Variants in PTPRD observed in about 807,000 individuals in gnomAD.
The protein encoded by PTPRD is receptor-type tyrosine-protein phosphatase delta.
A neutral mutation model predicts 214.5 loss-of-function variants in PTPRD; 34 were observed. The ratio of observed to expected loss-of-function variants is 0.16; its 90% confidence interval spans 0.12 to 0.21. The LOEUF (loss-of-function observed/expected upper bound fraction) is 0.21. Among genes scored for constraint, PTPRD ranks in the 10% least tolerant of loss-of-function variants. The pLI, the probability that PTPRD is intolerant of heterozygous loss-of-function variation, is 1.00. For missense variants in PTPRD, 2,545 were observed against 2,398.7 expected, an observed-to-expected ratio of 1.06 and a Z score of -1.27; for synonymous variants, 1,128 against 845.7, an observed-to-expected ratio of 1.33 and a Z score of -5.79.
intron 12 of PTPRD, among the ~76,000 whole-genome samples, chr9:8,685,538 C>A (rs989046763): frequency 1.1e-4 from 16 of 152,132 alleles, no homozygotes; most frequent in Admixed American, 6.5e-4. Flanking sequence ...ACATCAGGAA[C>A]AGTTGGAAAC....
At chr9:10,599,738 C>G (rs1380060875) in intron 2 of PTPRD, among the ~76,000 whole-genome samples, 2 of 151,730 alleles carry the variant, frequency 1.3e-5, no homozygotes, top group African/African-American at 4.8e-5. Context: ...TGAAATGATT[C>G]AAGATTGCTC....
intron 8 of PTPRD, among the ~76,000 whole-genome samples, chr9:9,507,489 A>G (rs1173636896): frequency 6.6e-6 from 1 of 151,322 alleles, no homozygotes; most frequent in Admixed American, 6.6e-5. Context: ...CCTGGAAAAG[A>G]AGACAAGATA....
At chr9:9,768,944 C>T (rs558633570) in intron 5 of PTPRD, among the ~76,000 whole-genome samples, 1 of 152,072 alleles carries the variant, frequency 6.6e-6, no homozygotes, top group Non-Finnish European at 1.5e-5. Flanking sequence ...GCATTATAAT[C>T]GGATTAAGGT....
chr9:10,086,024 A>G (rs771056069), intron 3 of PTPRD, among the ~76,000 whole-genome samples: 13 of 151,798 alleles, frequency 8.6e-5, no homozygotes, highest in African/African-American at 7.2e-5. Flanking sequence ...TATATGACCA[A>G]TTCAATTCAA....
At chr9:8,318,081 C>CAATG in intron 45 of PTPRD, 139 bp from the exon 46 acceptor site, 1 of 663,578 alleles carries the variant, frequency 1.5e-6, no homozygotes, top group Non-Finnish European at 2.5e-6. Flanking sequence ...TGGTCTAATC[C>CAATG]AATGACCAAT....
intron 2 of PTPRD, among the ~76,000 whole-genome samples, chr9:10,466,240 G>A (rs1476007996): frequency 1.3e-5 from 2 of 152,144 alleles, no homozygotes; most frequent in Non-Finnish European, 2.9e-5. Context: ...TATCTAGCCT[G>A]AAATTATACT....
chr9:10,200,547 G>T (rs921010739), intron 3 of PTPRD, among the ~76,000 whole-genome samples: 2 of 152,090 alleles, frequency 1.3e-5, no homozygotes, highest in Non-Finnish European at 2.9e-5. Flanking sequence ...AGAAAGAGAA[G>T]ACCATATGAC....
intron 2 of PTPRD, among the ~76,000 whole-genome samples, chr9:10,530,950 G>A (rs1396855320): frequency 6.6e-6 from 1 of 151,714 alleles, no homozygotes; most frequent in East Asian, 1.9e-4. Flanking sequence ...AAAATCAGTA[G>A]ACAATTTTTT....
At chr9:9,154,551 T>A (rs372203104) in intron 10 of PTPRD, among the ~76,000 whole-genome samples, 22 of 152,266 alleles carry the variant, frequency 1.4e-4, no homozygotes, top group African/African-American at 5.3e-4. Context: ...ACGACCTCAT[T>A]TAATCCAAAT....
At chr9:9,992,158 T>G (rs1005954540) in intron 4 of PTPRD, among the ~76,000 whole-genome samples, 8 of 152,140 alleles carry the variant, frequency 5.3e-5, no homozygotes, top group Non-Finnish European at 8.8e-5. Context: ...TATTCTGGAA[T>G]GAGATAGTGA....
intron 2 of PTPRD, among the ~76,000 whole-genome samples, chr9:10,396,398 G>T (rs1238532044): frequency 4.6e-5 from 7 of 151,902 alleles, no homozygotes; most frequent in African/African-American, 1.7e-4. Context: ...GGATCTATTG[G>T]CCTATTGGAC....
intron 14 of PTPRD, among the ~76,000 whole-genome samples, chr9:8,552,566 A>G (rs1432733653): frequency 2.0e-5 from 3 of 152,164 alleles, no homozygotes; most frequent in Non-Finnish European, 4.4e-5. Context: ...GAGAAGATTC[A>G]TGATGAACGG....
intron 3 of PTPRD, among the ~76,000 whole-genome samples, chr9:10,062,325 C>A (rs978324259): frequency 5.3e-5 from 8 of 152,124 alleles, no homozygotes; most frequent in African/African-American, 1.7e-4. Context: ...TGGTTTTCAG[C>A]CAGGTGCAGT....
At chr9:9,702,042 CA>C (rs1315602551) in intron 7 of PTPRD, among the ~76,000 whole-genome samples, 1 of 152,024 alleles carries the variant, frequency 6.6e-6, no homozygotes, top group African/African-American at 2.4e-5. Flanking sequence ...ATTGCTTGAA[CA>C]TGGGAGGCAG....
At chr9:9,375,194 C>T (rs13297767) in intron 9 of PTPRD, among the ~76,000 whole-genome samples, 13,135 of 152,180 alleles carry the variant, frequency 0.086, 849 homozygotes, top group Non-Finnish European at 0.14. Context: ...GTCTGTTATA[C>T]CAATGTTCAC....
chr9:8,940,280 C>CCTTTGTTTTTTTT lies in PTPRD; in HGVS notation c.-104+78416_-104+78417insAAAAAAAACAAAG, dbSNP rs763715400. 5.4e-4 allele frequency among the ~76,000 whole-genome samples: 48 copies of CCTTTGTTTTTTTT among 89,000 alleles called. 1 individual carries two copies. The highest frequency in any genetic ancestry group is 1.1e-3 in the East Asian group (3 of 2,828). The allele number at this position is 89,000 out of a possible 152,430, so 58.4% of individuals were successfully genotyped here. ...TCACACATCTCTCTCTCTCTCTCTC[C>CCTTTGTTTTTTTT]TTTTTTTTTTTTTTTTTTTTGAGAT... is the stretch of plus-strand genomic sequence containing the variant. On this transcript the variant is annotated intron_variant, in intron 11 of 45. Coordinates refer to ENST00000381196, the MANE Select transcript of PTPRD (RefSeq NM_002839.4).
At chr9:9,967,823 A>C (rs995959521) in intron 4 of PTPRD, among the ~76,000 whole-genome samples, 2 of 152,312 alleles carry the variant, frequency 1.3e-5, no homozygotes, top group Middle Eastern at 3.4e-3. Flanking sequence ...TTAACTCAAA[A>C]TCCTTTTAAG....
chr9:10,486,974 T>C (rs2099136909), intron 2 of PTPRD, among the ~76,000 whole-genome samples: 1 of 152,216 alleles, frequency 6.6e-6, no homozygotes, highest in African/African-American at 2.4e-5. Context: ...GCTTTATATA[T>C]CTGGGTGCTC....
chr9:9,987,321 A>C (rs1340117031), intron 4 of PTPRD, among the ~76,000 whole-genome samples: 2 of 152,178 alleles, frequency 1.3e-5, no homozygotes, highest in Non-Finnish European at 2.9e-5. Flanking sequence ...CACACTGCTG[A>C]TAAGACATGC....
Sources: gnomAD v4.1 joint callset for allele counts (sites outside exome capture counted in the v4.1 genomes callset) on GRCh38, gnomAD v4.1.1 for gene constraint, MANE v1.5 for transcripts, NCBI Gene and HGNC (gene_info 2026-07-23, HGNC 2026-07-21) for gene names.